WDR49: variants seen among roughly 807,000 people sequenced by gnomAD.
WDR49 encodes the protein WD repeat domain 49.
WDR49 carries 107 observed loss-of-function variants against 119.5 expected under a neutral mutation model. The ratio of observed to expected loss-of-function variants is 0.90; its 90% CI spans 0.77 to 1.05. The LOEUF (loss-of-function observed/expected upper bound fraction) is 1.05, where lower values mean the gene tolerates loss of function less well. Ranked by LOEUF, WDR49 falls within the 50% of genes least tolerant of loss-of-function variation. The probability of loss-of-function intolerance (pLI) is 0.00; values close to 1 mark genes in which losing one functional copy is unlikely to be tolerated. For missense variants in WDR49, 1,240 were observed against 1,220.5 expected, an observed-to-expected ratio of 1.02 and a Z score of -0.24; for synonymous variants, 425 against 418.8, an observed-to-expected ratio of 1.01 and a Z score of -0.18.
At chr3:167,603,039 T>A (rs1715859221) in intron 6 of WDR49, among the ~76,000 whole-genome samples, 1 of 152,066 alleles carries the variant, frequency 6.6e-6, no homozygotes, top group Non-Finnish European at 1.5e-5. Context: ...TGCCTTTCTA[T>A]CCCCATCATT....
Position 167,564,660 on chromosome 3 carries a change from G to A in WDR49, c.1510-4432C>T, listed in dbSNP as rs138269312. Among the ~76,000 whole-genome samples the A allele has an allele frequency of 7.3e-4, 111 of 152,290 alleles. 1 individual carries two copies. Among genetic ancestry groups the A allele is most frequent in the African/African-American group, 2.5e-3 (105 of 41,552 alleles). On this transcript the variant is annotated intron_variant, in intron 8 of 18. Coordinates refer to ENST00000682715, the MANE Select transcript of WDR49 (RefSeq NM_001366157.1). ...AATGGTGCTAACAACCACACTCCAG[G>A]ACACATGGGCCTCCTCAGTAGATCG...
intron 8 of WDR49, among the ~76,000 whole-genome samples, chr3:167,562,506 C>T (rs1212533322): frequency 6.6e-6 from 1 of 152,190 alleles, no homozygotes; most frequent in Non-Finnish European, 1.5e-5. Flanking sequence ...TTATGCTACA[C>T]ATTTTCTCTC....
intron 18 of WDR49, among the ~76,000 whole-genome samples, chr3:167,499,235 A>G (rs1213812834): frequency 6.6e-6 from 1 of 152,230 alleles, no homozygotes; most frequent in Non-Finnish European, 1.5e-5. Context: ...CATAAGAGAC[A>G]AAGCAAAGAG....
intron 11 of WDR49, among the ~76,000 whole-genome samples, chr3:167,535,426 A>G (rs1182481434): frequency 2.0e-5 from 3 of 152,190 alleles, no homozygotes. Flanking sequence ...AAAAATGGAC[A>G]AAAGACCTGA....
intron 9 of WDR49, among the ~76,000 whole-genome samples, chr3:167,555,723 C>A (rs1712884357): frequency 6.6e-6 from 1 of 152,098 alleles, no homozygotes; most frequent in African/African-American, 2.4e-5. Flanking sequence ...ATTTTGGTGG[C>A]CAGAGGTGTG....
At chr3:167,522,103 C>A (rs1752471263) in intron 16 of WDR49, among the ~76,000 whole-genome samples, 1 of 152,040 alleles carries the variant, frequency 6.6e-6, no homozygotes, top group Non-Finnish European at 1.5e-5. Context: ...TAATACATAT[C>A]AAGAATCAAT....
intron 1 of WDR49, 145 bp from the exon 2 acceptor site, chr3:167,653,644 T>C: frequency 2.1e-6 from 1 of 467,874 alleles, no homozygotes; most frequent in Non-Finnish European, 3.6e-6. Context: ...CTAGAGTTTA[T>C]TTTCAAAATT....
intron 16 of WDR49, among the ~76,000 whole-genome samples, chr3:167,514,351 G>A (rs545189344): frequency 6.6e-6 from 1 of 152,214 alleles, no homozygotes; most frequent in East Asian, 1.9e-4. Flanking sequence ...GCTCTTGAAT[G>A]ACTCCTGGGT....
chr3:167,621,462 C>T lies in WDR49; in HGVS notation c.783+5G>A. ...AGTATTCAATCTTAATCTACCCTCA[C>T]TTACCTTTCCAGTTATATCCCCAAA... On this transcript the variant is annotated splice_donor_5th_base_variant and intron_variant, in intron 4 of 18. Transcript: ENST00000682715. The T allele has an allele frequency of 6.6e-7, 1 of 1,525,120 alleles. No homozygotes were observed. The highest frequency in any genetic ancestry group is 1.4e-5 in the African/African-American group (1 of 72,708). The allele number at this position is 1,525,120 out of a possible 1,614,324, so 94.5% of individuals were successfully genotyped here.
At chr3:167,537,595 GA>G (rs904615811) in intron 10 of WDR49, among the ~76,000 whole-genome samples, 2 of 152,106 alleles carry the variant, frequency 1.3e-5, no homozygotes, top group Non-Finnish European at 2.9e-5. Context: ...ATTTTGAACA[GA>G]AAGAACAGTA....
At chr3:167,494,800 G>A (rs1425761632) in intron 18 of WDR49, among the ~76,000 whole-genome samples, 1 of 152,184 alleles carries the variant, frequency 6.6e-6, no homozygotes, top group Non-Finnish European at 1.5e-5. Flanking sequence ...GAGCCCTGGG[G>A]TGGTGTGGGA....
intron 5 of WDR49, among the ~76,000 whole-genome samples, chr3:167,608,594 A>T (rs924630071): frequency 2.0e-5 from 3 of 152,210 alleles, no homozygotes; most frequent in African/African-American, 7.2e-5. Context: ...AGAGTTCCTG[A>T]GAGTGCCTGG....
At chr3:167,539,347 T>C (rs1711653326) in intron 10 of WDR49, among the ~76,000 whole-genome samples, 2 of 152,158 alleles carry the variant, frequency 1.3e-5, no homozygotes, top group Admixed American at 1.3e-4. Context: ...CTGTCGGTTT[T>C]GTTTTCATTC....
chr3:167,517,553 A>G (rs949265576), intron 16 of WDR49, among the ~76,000 whole-genome samples: 3 of 152,170 alleles, frequency 2.0e-5, no homozygotes, highest in Non-Finnish European at 2.9e-5. Flanking sequence ...TGTAAAACCC[A>G]AAGCTATAAA....
intron 18 of WDR49, among the ~76,000 whole-genome samples, chr3:167,490,935 T>C (rs905776372): frequency 1.3e-5 from 2 of 152,038 alleles, no homozygotes; most frequent in Non-Finnish European, 2.9e-5. Context: ...CTTATGTGTT[T>C]TTTTTCAACA....
At chr3:167,650,904 G>T (rs950379522) in intron 2 of WDR49, among the ~76,000 whole-genome samples, 4 of 152,128 alleles carry the variant, frequency 2.6e-5, no homozygotes, top group African/African-American at 9.7e-5. Flanking sequence ...GAGGCCCAGA[G>T]AGATTAAGTA....
At chr3:167,589,781 T>A (rs4353807) in intron 7 of WDR49, among the ~76,000 whole-genome samples, 53,121 of 151,892 alleles carry the variant, frequency 0.35, 11,060 homozygotes, top group African/African-American at 0.59. Flanking sequence ...TGTATCCTGC[T>A]ACTTTACTGA....
chr3:167,577,317 G>A (rs893427589), intron 7 of WDR49, among the ~76,000 whole-genome samples: 1 of 152,144 alleles, frequency 6.6e-6, no homozygotes, highest in African/African-American at 2.4e-5. Context: ...AGGCTACTGA[G>A]GGAGTGAAAA....
chr3:167,511,346 C>T (rs191804204), intron 16 of WDR49, among the ~76,000 whole-genome samples: 1 of 152,074 alleles, frequency 6.6e-6, no homozygotes, highest in African/African-American at 2.4e-5. Flanking sequence ...CTTTTTGATG[C>T]GTTATTTTTT....
Sources: allele counts gnomAD v4.1 joint callset (sites outside exome capture counted in the v4.1 genomes callset), GRCh38; gene constraint gnomAD v4.1.1; transcripts MANE v1.5; gene names NCBI Gene and HGNC (gene_info 2026-07-23, HGNC 2026-07-21).